The following FER1L5 variants were observed in gnomAD, a reference collection of about 807,000 sequenced individuals.
FER1L5 encodes fer-1-like protein 5.
In FER1L5, 187 loss-of-function variants were observed where a neutral mutation model predicts 279.9. The ratio of observed to expected loss-of-function variants is 0.67; its 90% confidence interval spans 0.59 to 0.75. The LOEUF (loss-of-function observed/expected upper bound fraction) is 0.75, where lower values mean the gene tolerates loss of function less well. Among genes scored for constraint, FER1L5 ranks in the 30% least tolerant of loss-of-function variants. The pLI is 0.00. For missense variants in FER1L5, 2,091 were observed against 2,594.4 expected (o/e 0.81, Z 4.21); for synonymous variants, 921 against 989.7 (o/e 0.93, Z 1.30).
At chr2:96,670,598 T>G (rs1430378782) in intron 18 of FER1L5, among the ~76,000 whole-genome samples, 1 of 147,610 alleles carries the variant, frequency 6.8e-6, no homozygotes, top group Non-Finnish European at 1.5e-5. Flanking sequence ...GGCAACATGG[T>G]GAAACGCTGT....
intron 19 of FER1L5, among the ~76,000 whole-genome samples, chr2:96,674,528 A>G (rs1395398562): frequency 1.3e-5 from 2 of 152,070 alleles, no homozygotes; most frequent in African/African-American, 4.8e-5. Flanking sequence ...CCGGGCATCT[A>G]CTTTCTGTGA....
At chr2:96,687,557 C>T (rs2076976384) in intron 23 of FER1L5, among the ~76,000 whole-genome samples, 2 of 152,238 alleles carry the variant, frequency 1.3e-5, no homozygotes, top group South Asian at 4.1e-4. Context: ...CCATCAGTCC[C>T]ATTGTCAACA....
chr2:96,668,835 G>T (rs1174103331), intron 15 of FER1L5, 41 bp downstream of exon 15: 2 of 1,551,706 alleles, frequency 1.3e-6, no homozygotes, highest in South Asian at 1.2e-5. Flanking sequence ...AGGGAAGGAA[G>T]AAATGAGAGC....
rs986746039 is a variant in FER1L5, at chr2:96,688,204, C to T, written c.2361+257C>T. 9.9e-5 allele frequency among the ~76,000 whole-genome samples: 15 copies of T among 152,180 alleles called. No homozygotes were observed. The East Asian group carries it at 2.3e-3, about 23-fold the overall frequency. On this transcript the variant is annotated intron_variant, in intron 24 of 52. Coordinates refer to ENST00000624922, the MANE Select transcript of FER1L5 (RefSeq NM_001293083.2). ...TGGTCTCTTGTTGATGCTCCATACACGTGTGGAGACAAAGGGGGCGACTAA... is the reference window on the plus strand; with the variant it reads ...TGGTCTCTTGTTGATGCTCCATACATGTGTGGAGACAAAGGGGGCGACTAA...
intron 26 of FER1L5, 135 bp from the exon 27 acceptor site, chr2:96,690,352 G>C (rs2077093879): frequency 1.4e-6 from 1 of 724,690 alleles, no homozygotes; most frequent in African/African-American, 1.7e-5. Flanking sequence ...TATGAGGTGT[G>C]GCAAGCACAG....
intron 37 of FER1L5, 143 bp downstream of exon 37, chr2:96,696,220 T>C (rs931412415): frequency 4.0e-5 from 39 of 970,880 alleles, no homozygotes; most frequent in Non-Finnish European, 5.8e-5. Flanking sequence ...CCTCAGCCTA[T>C]AGGGTCTCTG....
intron 37 of FER1L5, among the ~76,000 whole-genome samples, chr2:96,697,094 A>G (rs531926315): frequency 1.3e-5 from 2 of 152,324 alleles, no homozygotes; most frequent in African/African-American, 2.4e-5. Flanking sequence ...GGTAGGACCC[A>G]GGCATCAACA....
chr2:96,703,516 T>C lies in FER1L5; in HGVS notation c.5692-7T>C. The C allele has an allele frequency of 1.2e-6, 2 of 1,613,718 alleles. No homozygotes were observed. The highest frequency in any genetic ancestry group is 1.3e-5 in the African/African-American group (1 of 75,020). ...CTCAGCCTCCCCCTCACCCATGGTG[T>C]TCCTAGGGCAAGGTGAAGATGAGCC... On this transcript the variant is annotated splice_region_variant and splice_polypyrimidine_tract_variant and intron_variant, in intron 50 of 52. Transcript: ENST00000624922.
At chr2:96,679,814 C>T (rs566293699) in intron 19 of FER1L5, among the ~76,000 whole-genome samples, 2 of 152,244 alleles carry the variant, frequency 1.3e-5, no homozygotes, top group South Asian at 4.1e-4. Flanking sequence ...GGTTACTTTT[C>T]TTATTTCTAT....
rs771149744 is a variant in FER1L5 at position 96,702,967 on chromosome 2, C to T, written c.5398-11C>T. 44 of 1,608,614 alleles carry T rather than the reference C, an allele frequency of 2.7e-5. No homozygotes were observed. Among genetic ancestry groups the T allele is most frequent in the Non-Finnish European group, 3.4e-5 (40 of 1,177,616 alleles). The stretch of plus-strand genomic sequence containing the variant: ...ACAGGCCGGTAACACGCCCTTCCGC[C>T]ATTTCCCCAGGATTACATATGGAGC... On this transcript the variant is annotated splice_polypyrimidine_tract_variant and intron_variant, in intron 48 of 52. Coordinates refer to ENST00000624922, the MANE Select transcript of FER1L5 (RefSeq NM_001293083.2). The surrounding 1 kb of genome is among the most constrained non-coding windows in gnomAD (Gnocchi z 4.0).
rs772219221 is a variant in FER1L5 at position 96,702,957 on chromosome 2, G to A, written c.5398-21G>A. On this transcript the variant is annotated intron_variant, in intron 48 of 52. Transcript: ENST00000624922. The surrounding 1 kb of genome is among the most constrained non-coding windows in gnomAD (Gnocchi z 4.0). ...CGTCCAGGAGACAGGCCGGTAACAC[G>A]CCCTTCCGCCATTTCCCCAGGATTA... 10 of 1,602,306 alleles carry A rather than the reference G, an allele frequency of 6.2e-6. No individual in the cohort carries two copies. Among genetic ancestry groups the A allele is most frequent in the Non-Finnish European group, 6.8e-6 (8 of 1,174,476 alleles).
intron 6 of FER1L5, among the ~76,000 whole-genome samples, chr2:96,651,652 C>A (rs948523935): frequency 6.6e-6 from 1 of 152,020 alleles, no homozygotes; most frequent in African/African-American, 2.4e-5. Context: ...AGGCATGCAC[C>A]ACCAAGCTCA....
rs79695038 is a variant in FER1L5, at chr2:96,694,096, G to A, written c.3636+24G>A. The A allele has an allele frequency of 5.7e-3, 8,698 of 1,531,386 alleles. 43 individuals are homozygous for A. Among genetic ancestry groups the A allele is most frequent in the Middle Eastern group, 5.9e-3 (35 of 5,950 alleles). 94.9% of individuals were successfully genotyped at this position (1,531,386 alleles called of 1,614,324 possible). On this transcript the variant is annotated intron_variant, in intron 33 of 52. Coordinates refer to ENST00000624922, the MANE Select transcript of FER1L5 (RefSeq NM_001293083.2). The surrounding 1 kb of genome is among the most constrained non-coding windows in gnomAD (Gnocchi z 4.6). ...AGGTATTGGGAGAGAGGGCCTGGCTGGGAAGTGTGGCACTCAGTGCCCCTC... is the reference window on the plus strand; with the variant it reads ...AGGTATTGGGAGAGAGGGCCTGGCTAGGAAGTGTGGCACTCAGTGCCCCTC...
chr2:96,659,418 T>G lies in FER1L5; in HGVS notation c.748-923T>G, dbSNP rs1385817721. Among the ~76,000 whole-genome samples, 3 of 8,632 alleles carry G rather than the reference T, an allele frequency of 3.5e-4. No individual in the cohort carries two copies. In the East Asian group the frequency reaches 7.9e-3, roughly 23 times the overall value. 5.7% of individuals were successfully genotyped at this position (8,632 alleles called of 152,430 possible). ...CTTTCTTTCTTTCTTTCTTTCTTTC[T>G]TTCTTTCTTTCTTTCTTTCTTTCTT... is the stretch of plus-strand genomic sequence containing the variant. On this transcript the variant is annotated intron_variant, in intron 9 of 52. Coordinates refer to ENST00000624922, the MANE Select transcript of FER1L5 (RefSeq NM_001293083.2).
chr2:96,698,060 C>T lies in FER1L5; in HGVS notation c.4260C>T (p.Ala1420=), dbSNP rs779948314. 1.1e-5 allele frequency: 17 copies of T among 1,582,178 alleles called. No individual in the cohort carries two copies. Among genetic ancestry groups the T allele is most frequent in the African/African-American group, 5.4e-5 (4 of 74,300 alleles). ...TLKVYECELE[A]VPAFQGLQDF... ...AGGTGTATGAGTGTGAGCTGGAGGC[C>T]GTGCCAGCCTTCCAGGGCCTGCAGG... Residue 1420 remains alanine, a synonymous_variant, in exon 40 of 53, where the codon GCC becomes GCT. Coordinates refer to ENST00000624922, the MANE Select transcript of FER1L5 (RefSeq NM_001293083.2). The surrounding 1 kb of genome is among the most constrained non-coding windows in gnomAD (Gnocchi z 5.5).
chr2:96,645,877 A>T (rs2075100941), intron 1 of FER1L5, among the ~76,000 whole-genome samples: 1 of 152,184 alleles, frequency 6.6e-6, no homozygotes, highest in Non-Finnish European at 1.5e-5. Flanking sequence ...TCTGTCACAC[A>T]GTGATAAAAT....
intron 9 of FER1L5, among the ~76,000 whole-genome samples, chr2:96,658,139 C>T (rs569709442): frequency 6.6e-6 from 1 of 151,880 alleles, no homozygotes; most frequent in African/African-American, 2.4e-5. Flanking sequence ...GCCTCAGACT[C>T]CCGAGTAGCT....
Position 96,662,222 on chromosome 2 carries a change from C to T in FER1L5, c.1026C>T (p.His342=), listed in dbSNP as rs1573831262. 1 of 1,551,478 alleles carries T rather than the reference C, an allele frequency of 6.4e-7. No homozygotes were observed. ...YCAEDLHLKK[H]QSVNPQLEVE... is the part of the protein sequence containing the mutation. Reference sequence around the variant, plus strand: ...TTAACTTGTTGTTCATAGAGAAACACCAGTCAGTGAATCCTCAGTTGGAGG... The same window carrying T: ...TTAACTTGTTGTTCATAGAGAAACATCAGTCAGTGAATCCTCAGTTGGAGG... The change falls in exon 13 of 53, where the codon CAC becomes CAT. Residue 342 remains histidine (H), a synonymous_variant. Transcript: ENST00000624922.
At chr2:96,704,102 C>T (rs2077693985) in intron 51 of FER1L5, 113 bp from the exon 52 acceptor site, 1 of 1,274,914 alleles carries the variant, frequency 7.8e-7, no homozygotes, top group Non-Finnish European at 1.1e-6. Context: ...AGGCGTGAGA[C>T]ACTGTGCCTG....
Sources: allele counts gnomAD v4.1 joint callset (sites outside exome capture counted in the v4.1 genomes callset), GRCh38; gene constraint gnomAD v4.1.1; non-coding constraint Gnocchi (gnomAD v3.1); transcripts MANE v1.5; gene names NCBI Gene and HGNC (gene_info 2026-07-23, HGNC 2026-07-21).